CNTNAP2: variants seen among roughly 807,000 people sequenced by gnomAD.
CNTNAP2 encodes contactin associated protein 2.
A neutral mutation model predicts 155.2 loss-of-function variants in CNTNAP2; 98 were observed. That is an observed-to-expected ratio of 0.63 (90% confidence interval 0.54 to 0.75). The LOEUF (loss-of-function observed/expected upper bound fraction) is 0.75. CNTNAP2 is among the 30% of genes least tolerant of loss of function. The pLI is 0.00. For missense variants in CNTNAP2, 1,727 were observed against 1,688.1 expected (o/e 1.02, Z -0.40); for synonymous variants, 651 against 631.2 (o/e 1.03, Z -0.47).
At chr7:147,079,736 G>C (rs1269109984) in intron 4 of CNTNAP2, among the ~76,000 whole-genome samples, 1 of 151,824 alleles carries the variant, frequency 6.6e-6, no homozygotes, top group Non-Finnish European at 1.5e-5. Flanking sequence ...ATTAAAAATG[G>C]AGTATATAAT....
intron 1 of CNTNAP2, among the ~76,000 whole-genome samples, chr7:146,689,200 T>G (rs902465811): frequency 3.9e-5 from 6 of 152,070 alleles, no homozygotes; most frequent in Non-Finnish European, 8.8e-5. Context: ...TTGAGTAAAT[T>G]ACTCCATTTG....
chr7:148,229,795 C>T lies in CNTNAP2; in HGVS notation c.3381+16C>T, dbSNP rs1386845891. On this transcript the variant is annotated intron_variant, in intron 20 of 23. Coordinates refer to ENST00000361727, the MANE Select transcript of CNTNAP2 (RefSeq NM_014141.6). ...CTTTCTCAAGGTATACATACATGTA[C>T]ATATAAATTACATATAATATCGCAT... 3 of 1,613,742 alleles carry T rather than the reference C, an allele frequency of 1.9e-6. No individual in the cohort carries two copies. Among genetic ancestry groups the T allele is most frequent in the Admixed American group, 3.3e-5 (2 of 59,996 alleles).
At chr7:146,925,153 T>C (rs1284157752) in intron 3 of CNTNAP2, among the ~76,000 whole-genome samples, 1 of 152,130 alleles carries the variant, frequency 6.6e-6, no homozygotes, top group Non-Finnish European at 1.5e-5. Context: ...TATTGACTTC[T>C]CTTACATTTT....
intron 3 of CNTNAP2, among the ~76,000 whole-genome samples, chr7:146,936,916 G>T (rs150339260): frequency 6.6e-6 from 1 of 152,136 alleles, no homozygotes; most frequent in Non-Finnish European, 1.5e-5. Flanking sequence ...CCTGATTCAC[G>T]AAGGTTTCAT....
At chr7:147,154,182 C>T (rs143690587) in intron 8 of CNTNAP2, among the ~76,000 whole-genome samples, 4 of 152,002 alleles carry the variant, frequency 2.6e-5, no homozygotes, top group Non-Finnish European at 5.9e-5. Flanking sequence ...AAAACAGTTT[C>T]TATGCATTGG....
rs1200854746 is a variant in CNTNAP2, at chr7:147,613,041, A to T, written c.1898-26065A>T. Among the ~76,000 whole-genome samples the T allele has an allele frequency of 3.3e-5, 5 of 152,298 alleles. No individual in the cohort carries two copies. The East Asian group carries it at 9.6e-4, about 29-fold the overall frequency. On this transcript the variant is annotated intron_variant, in intron 12 of 23. Transcript: ENST00000361727. ...TCCTTTAGGATATATAACTAGAAAT[A>T]ATTATTATTATGGGATATTCTCATC...
intron 9 of CNTNAP2, among the ~76,000 whole-genome samples, chr7:147,320,078 C>T (rs1251158737): frequency 3.9e-5 from 6 of 152,134 alleles, no homozygotes; most frequent in African/African-American, 1.4e-4. Flanking sequence ...TAGCATGCAA[C>T]CTCTAATTTA....
At chr7:147,020,917 A>G (rs1003120922) in intron 3 of CNTNAP2, among the ~76,000 whole-genome samples, 1 of 152,126 alleles carries the variant, frequency 6.6e-6, no homozygotes, top group Admixed American at 6.6e-5. Flanking sequence ...TGTTCTTAGA[A>G]ATATTATTAT....
At chr7:147,201,750 G>A (rs1016878431) in intron 8 of CNTNAP2, among the ~76,000 whole-genome samples, 2 of 152,164 alleles carry the variant, frequency 1.3e-5, no homozygotes, top group Non-Finnish European at 2.9e-5. Context: ...AGGGCAAAAT[G>A]TGGGTGTCCC....
At chr7:146,742,670 G>C (rs1585069177) in intron 1 of CNTNAP2, among the ~76,000 whole-genome samples, 1 of 152,048 alleles carries the variant, frequency 6.6e-6, no homozygotes, top group Middle Eastern at 3.4e-3. Flanking sequence ...GATTTAAGTA[G>C]GTAATGAGAG....
intron 3 of CNTNAP2, among the ~76,000 whole-genome samples, chr7:146,859,946 C>G (rs1190190766): frequency 6.6e-6 from 1 of 151,990 alleles, no homozygotes; most frequent in Non-Finnish European, 1.5e-5. Flanking sequence ...TAAGAGGAAA[C>G]CTAGAGTGGG....
At chr7:147,314,608 T>C (rs1397168418) in intron 9 of CNTNAP2, among the ~76,000 whole-genome samples, 1 of 140,654 alleles carries the variant, frequency 7.1e-6, no homozygotes, top group Non-Finnish European at 1.6e-5. Flanking sequence ...TATGGTATTA[T>C]TTCCAGGAGA....
intron 12 of CNTNAP2, among the ~76,000 whole-genome samples, chr7:147,617,573 C>T (rs935300410): frequency 6.6e-5 from 10 of 152,148 alleles, no homozygotes; most frequent in African/African-American, 9.6e-5. Flanking sequence ...AAATGAGTGC[C>T]GTGCTGTGAG....
intron 3 of CNTNAP2, among the ~76,000 whole-genome samples, chr7:146,883,776 A>G (rs1436429151): frequency 6.6e-6 from 1 of 152,188 alleles, no homozygotes; most frequent in African/African-American, 2.4e-5. Context: ...TTTTAGTATA[A>G]AAAATTAGTT....
intron 13 of CNTNAP2, among the ~76,000 whole-genome samples, chr7:147,851,753 C>A (rs1161183666): frequency 2.6e-5 from 3 of 117,010 alleles, no homozygotes; most frequent in African/African-American, 1.0e-4. Flanking sequence ...CACACCAAGG[C>A]CTGTCGTGGG....
rs537208703 is a variant in CNTNAP2, at chr7:147,778,652, GA to G, written c.2099-124906del. 5.5e-4 allele frequency among the ~76,000 whole-genome samples: 84 copies of G among 152,224 alleles called. 1 individual carries two copies. Among genetic ancestry groups the G allele is most frequent in the Middle Eastern group, 3.4e-3 (1 of 294 alleles). ...TAAGCTTCCATTTGCAGATGTTCCA[GA>G]AAAAAATAAATTTTATATTTGTGTT... On this transcript the variant is annotated intron_variant, in intron 13 of 23. Coordinates refer to ENST00000361727, the MANE Select transcript of CNTNAP2 (RefSeq NM_014141.6).
chr7:146,424,593 T>A (rs917944085), intron 1 of CNTNAP2, among the ~76,000 whole-genome samples: 1 of 151,226 alleles, frequency 6.6e-6, no homozygotes, highest in South Asian at 2.1e-4. Context: ...AATTATTTAG[T>A]TTTTACAAAC....
chr7:148,073,455 C>A (rs191221948), intron 15 of CNTNAP2, among the ~76,000 whole-genome samples: 1 of 152,344 alleles, frequency 6.6e-6, no homozygotes, highest in East Asian at 1.9e-4. Flanking sequence ...CACCATCCCA[C>A]CAGAGACTTG....
At chr7:146,537,300 A>G (rs1797883985) in intron 1 of CNTNAP2, among the ~76,000 whole-genome samples, 1 of 152,146 alleles carries the variant, frequency 6.6e-6, no homozygotes, top group African/African-American at 2.4e-5. Context: ...AAGTTTTCAA[A>G]ATAAGTATCT....
Sources: gnomAD v4.1 joint callset for allele counts (sites outside exome capture counted in the v4.1 genomes callset) on GRCh38, gnomAD v4.1.1 for gene constraint, MANE v1.5 for transcripts, NCBI Gene and HGNC (gene_info 2026-07-23, HGNC 2026-07-21) for gene names.